The following TP63 variants were observed in gnomAD, a reference collection of about 807,000 sequenced individuals.
TP63 encodes tumor protein 63.
TP63 carries 17 observed loss-of-function variants against 82.8 expected under a neutral mutation model. The ratio of observed to expected loss-of-function variants is 0.21; its 90% CI spans 0.14 to 0.31. TP63 has a LOEUF of 0.31. Ranked by LOEUF, TP63 falls within the 10% of genes least tolerant of loss-of-function variation. TP63 has a pLI of 1.00. For synonymous variants in TP63, 330 were observed against 321.7 expected (o/e 1.03, Z -0.28); for missense variants, 648 against 895.3 (o/e 0.72, Z 3.52).
At chr3:189,783,408 A>AT (rs1724372663) in intron 3 of TP63, among the ~76,000 whole-genome samples, 1 of 152,010 alleles carries the variant, frequency 6.6e-6, no homozygotes, top group Admixed American at 6.6e-5. Context: ...AGTTTCTAGG[A>AT]TAAATGACTG....
At chr3:189,756,457 C>T (rs1483743481) in intron 3 of TP63, among the ~76,000 whole-genome samples, 3 of 152,124 alleles carry the variant, frequency 2.0e-5, no homozygotes, top group Non-Finnish European at 4.4e-5. Flanking sequence ...AGTGCCAAGT[C>T]GGGGACTTTA....
At chr3:189,654,317 T>A (rs1370506661) in intron 1 of TP63, among the ~76,000 whole-genome samples, 1 of 150,178 alleles carries the variant, frequency 6.7e-6, no homozygotes, top group Admixed American at 6.6e-5. Context: ...ATGAAAAAAA[T>A]ATATAGATTA....
At chr3:189,641,139 G>C (rs1711833765) in intron 1 of TP63, among the ~76,000 whole-genome samples, 1 of 152,078 alleles carries the variant, frequency 6.6e-6, no homozygotes, top group African/African-American at 2.4e-5. Context: ...AAACTTAGTA[G>C]TTGAGTTTGT....
At chr3:189,847,957 T>C (rs1040774275) in intron 4 of TP63, among the ~76,000 whole-genome samples, 1 of 152,208 alleles carries the variant, frequency 6.6e-6, no homozygotes, top group Non-Finnish European at 1.5e-5. Context: ...TCTAATCATG[T>C]GTTTATTCAC....
chr3:189,804,675 T>C (rs1009899657), intron 3 of TP63, among the ~76,000 whole-genome samples: 1 of 152,234 alleles, frequency 6.6e-6, no homozygotes, highest in Non-Finnish European at 1.5e-5. Context: ...GAAGAATGAA[T>C]TTATTGATTT....
chr3:189,776,025 A>G (rs190292867), intron 3 of TP63, among the ~76,000 whole-genome samples: 89 of 152,326 alleles, frequency 5.8e-4, no homozygotes, highest in Admixed American at 1.2e-3. Flanking sequence ...GGAGGCTGAG[A>G]CAGAAGGACT....
rs1712978652 is a variant in TP63 at position 189,652,491 on chromosome 3, C to T, written c.62+20914C>T. On this transcript the variant is annotated intron_variant, in intron 1 of 13. Transcript: ENST00000264731. ...AGTAACTAGCTTGCTTTTAATTTTA[C>T]AGGCTCATAGGCAGAAGGGACTTGC... Among the ~76,000 whole-genome samples the T allele has an allele frequency of 1.4e-5, 2 of 147,088 alleles. 1 individual carries two copies. The highest frequency in any genetic ancestry group is 4.7e-4 in the East Asian group (2 of 4,220).
At chr3:189,696,993 T>C (rs1717427015) in intron 1 of TP63, among the ~76,000 whole-genome samples, 1 of 152,110 alleles carries the variant, frequency 6.6e-6, no homozygotes, top group African/African-American at 2.4e-5. Context: ...GTCTTTTTAG[T>C]CTCTTAATAG....
At chr3:189,753,326 T>G (rs1022978027) in intron 3 of TP63, among the ~76,000 whole-genome samples, 5 of 152,054 alleles carry the variant, frequency 3.3e-5, no homozygotes, top group African/African-American at 1.2e-4. Context: ...AAAGCTCCCT[T>G]GTTGGGTATG....
chr3:189,755,294 A>T (rs1722107526), intron 3 of TP63, among the ~76,000 whole-genome samples: 2 of 152,170 alleles, frequency 1.3e-5, no homozygotes, highest in Non-Finnish European at 2.9e-5. Context: ...TTTTTATAAT[A>T]AAATATCAAT....
chr3:189,658,862 G>C (rs1713621982), intron 1 of TP63, among the ~76,000 whole-genome samples: 2 of 151,986 alleles, frequency 1.3e-5, no homozygotes, highest in Admixed American at 6.6e-5. Flanking sequence ...AGTTGGTAGA[G>C]AATGAGACTC....
chr3:189,777,479 G>A (rs954420128), intron 3 of TP63, among the ~76,000 whole-genome samples: 9 of 152,090 alleles, frequency 5.9e-5, no homozygotes, highest in African/African-American at 1.7e-4. Context: ...TTACAGGTGT[G>A]AGCCACCATG....
At chr3:189,774,296 A>T (rs1723614118) in intron 3 of TP63, among the ~76,000 whole-genome samples, 1 of 152,220 alleles carries the variant, frequency 6.6e-6, no homozygotes, top group South Asian at 2.1e-4. Flanking sequence ...CCAAGTTCTT[A>T]GCTTCATATT....
chr3:189,701,522 CAT>C (rs35031313), intron 1 of TP63, among the ~76,000 whole-genome samples: 32,738 of 136,464 alleles, frequency 0.24, 3,733 homozygotes, highest in South Asian at 0.28. Context: ...GATATATATA[CAT>C]ATATATATAT....
At chr3:189,796,270 G>A (rs972470097) in intron 3 of TP63, among the ~76,000 whole-genome samples, 3 of 152,012 alleles carry the variant, frequency 2.0e-5, no homozygotes, top group East Asian at 3.9e-4. Context: ...AAGGATACAT[G>A]TGTAAGATGT....
At chr3:189,731,604 G>A (rs1319191972) in intron 1 of TP63, among the ~76,000 whole-genome samples, 1 of 152,144 alleles carries the variant, frequency 6.6e-6, no homozygotes, top group African/African-American at 2.4e-5. Context: ...AACATTTAGG[G>A]AAGAACAGGC....
the TP63 span, among the ~76,000 whole-genome samples, chr3:189,601,744 A>C: frequency 6.6e-6 from 1 of 152,152 alleles, no homozygotes; most frequent in South Asian, 2.1e-4. Context: ...TCCATTTCCC[A>C]CATTCAGTAG....
At chr3:189,842,061 G>C (rs373564022) in intron 4 of TP63, among the ~76,000 whole-genome samples, 1 of 152,180 alleles carries the variant, frequency 6.6e-6, no homozygotes, top group East Asian at 1.9e-4. Context: ...GTAGTAGCCC[G>C]CGGTTTTGCA....
intron 3 of TP63, among the ~76,000 whole-genome samples, chr3:189,791,632 A>G (rs1197730968): frequency 1.3e-5 from 2 of 152,134 alleles, no homozygotes; most frequent in African/African-American, 2.4e-5. Context: ...ACATGGCTGC[A>G]CTTCCCTACC....
Sources: gnomAD v4.1 joint callset for allele counts (sites outside exome capture counted in the v4.1 genomes callset) on GRCh38, gnomAD v4.1.1 for gene constraint, MANE v1.5 for transcripts, NCBI Gene and HGNC (gene_info 2026-07-23, HGNC 2026-07-21) for gene names.